Variants in USP49 observed in about 807,000 individuals in gnomAD.
USP49 encodes ubiquitin specific peptidase 49.
Under a neutral mutation model 58.6 loss-of-function variants are expected in USP49, and 24 were observed. The observed-to-expected ratio is 0.41, with a 90% CI of 0.30 to 0.58. USP49 has a LOEUF of 0.58. Among genes scored for constraint, USP49 ranks in the 20% least tolerant of loss-of-function variants. The pLI is 0.30. For synonymous variants in USP49, 408 were observed against 365.1 expected (o/e 1.12, Z -1.34); for missense variants, 703 against 866.1 (o/e 0.81, Z 2.36).
At chr6:41,857,780 C>T (rs1012575530) in intron 3 of USP49, among the ~76,000 whole-genome samples, 6 of 152,148 alleles carry the variant, frequency 3.9e-5, no homozygotes, top group African/African-American at 7.2e-5. Context: ...GTCCTTAAGA[C>T]CCGGAATAAT....
At chr6:41,814,414 T>C (rs1773313083) in intron 3 of USP49, among the ~76,000 whole-genome samples, 1 of 152,208 alleles carries the variant, frequency 6.6e-6, no homozygotes, top group Non-Finnish European at 1.5e-5. Flanking sequence ...ATGAAAAACT[T>C]CTAGATTTAT....
chr6:41,837,808 A>C (rs1398078536), intron 3 of USP49, among the ~76,000 whole-genome samples: 1 of 152,230 alleles, frequency 6.6e-6, no homozygotes, highest in Non-Finnish European at 1.5e-5. Flanking sequence ...ATGAACATAC[A>C]TTTTTCAAAA....
Position 41,793,254 on chromosome 6 carries a change from T to TTTTG in USP49, c.*3278_*3279insCAAA, listed in dbSNP as rs1205331420. The TTTTG allele has an allele frequency of 3.2e-5, 5 of 154,404 alleles. No homozygotes were observed. The highest frequency in any genetic ancestry group is 1.3e-4 in the Admixed American group (2 of 15,018). 9.6% of individuals were successfully genotyped at this position (154,404 alleles called of 1,614,324 possible). ...GACATCTGGAAATTCTTTTTTTTTTTTTGTTTTTGTTTTTGTTTTTTTTTT... is the reference window on the plus strand; with the variant it reads ...GACATCTGGAAATTCTTTTTTTTTTTTTTGTTGTTTTTGTTTTTGTTTTTTTTTT... On this transcript the variant is annotated 3_prime_UTR_variant, in exon 8 of 8. Coordinates refer to ENST00000682992, the MANE Select transcript of USP49 (RefSeq NM_001286554.2).
chr6:41,894,534 T>C (rs1028183980), intron 1 of USP49: 1 of 152,470 alleles, frequency 6.6e-6, no homozygotes, highest in Non-Finnish European at 1.5e-5. Flanking sequence ...TTGGTCCCAG[T>C]CCTTCAGCTC....
intron 3 of USP49, among the ~76,000 whole-genome samples, chr6:41,835,485 G>T (rs920751776): frequency 1.9e-4 from 29 of 152,064 alleles, no homozygotes; most frequent in African/African-American, 6.8e-4. Flanking sequence ...AGGCCGAGGT[G>T]GGTGGATCAC....
intron 3 of USP49, chr6:41,869,700 A>T (rs973973693): frequency 6.6e-6 from 1 of 151,248 alleles, no homozygotes; most frequent in Non-Finnish European, 1.5e-5. Flanking sequence ...ACAGAGGAAG[A>T]TTATCTCAAA....
chr6:41,841,412 T>C (rs1182319968), intron 3 of USP49, among the ~76,000 whole-genome samples: 1 of 152,230 alleles, frequency 6.6e-6, no homozygotes, highest in African/African-American at 2.4e-5. Flanking sequence ...AGTCCTACTC[T>C]GAGCTTTCAT....
At position 41,881,288 on chromosome 6, in the gene USP49, C is replaced by CAAAAAAAAAAAAAAAAAAAAAAAAAA. The variant is rs57022965; in HGVS notation, c.-102-9677_-102-9652dup. ...TGTTCAGAAATATGGCATTAAATACCAAAAAAAAAAAAAAAAAAAAAAAAA... is the reference window on the plus strand; with the variant it reads ...TGTTCAGAAATATGGCATTAAATACCAAAAAAAAAAAAAAAAAAAAAAAAAAAAAAAAAAAAAAAAAAAAAAAAAAA... On this transcript the variant is annotated intron_variant, in intron 2 of 7. Coordinates refer to ENST00000682992, the MANE Select transcript of USP49 (RefSeq NM_001286554.2). Among the ~76,000 whole-genome samples the CAAAAAAAAAAAAAAAAAAAAAAAAAA allele has an allele frequency of 3.9e-4, 8 of 20,388 alleles. 2 individuals carry two copies. The highest frequency in any genetic ancestry group is 5.0e-4 in the African/African-American group (2 of 4,036). 13.4% of individuals were successfully genotyped at this position (20,388 alleles called of 152,430 possible). A position where few individuals can be genotyped will look rare whatever the true frequency, so the allele number is the denominator to read the frequency against.
At chr6:41,833,180 C>A (rs768154413) in intron 3 of USP49, among the ~76,000 whole-genome samples, 2 of 151,754 alleles carry the variant, frequency 1.3e-5, no homozygotes, top group Non-Finnish European at 2.9e-5. Flanking sequence ...CCATGCCCGG[C>A]GAATTTTTTG....
At chr6:41,843,936 C>T (rs1314606073) in intron 3 of USP49, among the ~76,000 whole-genome samples, 2 of 152,016 alleles carry the variant, frequency 1.3e-5, no homozygotes, top group Admixed American at 6.6e-5. Context: ...CCCAGTTACT[C>T]AGGAGGCTGA....
At chr6:41,888,742 C>T (rs985155716) in intron 2 of USP49, among the ~76,000 whole-genome samples, 1 of 152,034 alleles carries the variant, frequency 6.6e-6, no homozygotes, top group Non-Finnish European at 1.5e-5. Flanking sequence ...TGTGAGCCAC[C>T]GCACCCAGCC....
intron 3 of USP49, among the ~76,000 whole-genome samples, chr6:41,864,479 C>T (rs1243939535): frequency 2.0e-5 from 3 of 152,170 alleles, no homozygotes; most frequent in African/African-American, 7.2e-5. Context: ...ATGAGAATCA[C>T]TTGAACCTGG....
chr6:41,828,647 T>C (rs187254430), intron 3 of USP49, among the ~76,000 whole-genome samples: 577 of 152,354 alleles, frequency 3.8e-3, no homozygotes, highest in Non-Finnish European at 4.4e-3. Flanking sequence ...TCAGATGTGT[T>C]GTAAATATCC....
At chr6:41,822,663 T>C (rs1240385618) in intron 3 of USP49, among the ~76,000 whole-genome samples, 1 of 152,066 alleles carries the variant, frequency 6.6e-6, no homozygotes, top group East Asian at 1.9e-4. Context: ...CTGTCCAACA[T>C]GGTAAAACCC....
chr6:41,828,597 T>C (rs981249100), intron 3 of USP49, among the ~76,000 whole-genome samples: 5 of 152,248 alleles, frequency 3.3e-5, no homozygotes, highest in Admixed American at 6.5e-5. Flanking sequence ...ATTAAATGAT[T>C]GGAGTTCTTT....
intron 3 of USP49, among the ~76,000 whole-genome samples, chr6:41,852,186 G>A (rs963153829): frequency 3.9e-5 from 6 of 151,906 alleles, no homozygotes; most frequent in Non-Finnish European, 8.8e-5. Flanking sequence ...TTAGTTGGGT[G>A]TGGTGGTACA....
At chr6:41,799,756 T>A (rs1197263482) in intron 6 of USP49, 74 bp downstream of exon 6, 1 of 1,315,586 alleles carries the variant, frequency 7.6e-7, no homozygotes, top group Admixed American at 1.8e-5. Flanking sequence ...TAGAAGACAT[T>A]TGCCCTCACC....
At chr6:41,820,749 C>G (rs1051598207) in intron 3 of USP49, among the ~76,000 whole-genome samples, 1 of 152,100 alleles carries the variant, frequency 6.6e-6, no homozygotes, top group African/African-American at 2.4e-5. Context: ...CCTGTAATCA[C>G]AGCACTTTGG....
At chr6:41,881,745 T>C (rs1774612417) in intron 2 of USP49, among the ~76,000 whole-genome samples, 1 of 152,170 alleles carries the variant, frequency 6.6e-6, no homozygotes, top group African/African-American at 2.4e-5. Context: ...CATTATACTT[T>C]ATGCTTCTGC....
Sources: gnomAD v4.1 joint callset for allele counts (sites outside exome capture counted in the v4.1 genomes callset) on GRCh38, gnomAD v4.1.1 for gene constraint, MANE v1.5 for transcripts, NCBI Gene and HGNC (gene_info 2026-07-23, HGNC 2026-07-21) for gene names.